Variants in HMCN1 observed in about 807,000 individuals in gnomAD.
The protein encoded by HMCN1 is hemicentin-1.
A neutral mutation model predicts 625.9 loss-of-function variants in HMCN1; 321 were observed. That is an observed-to-expected ratio of 0.51 (90% CI 0.47 to 0.56). The LOEUF is 0.56. Among genes scored for constraint, HMCN1 ranks in the 20% least tolerant of loss-of-function variants. The pLI is 0.00. For synonymous variants in HMCN1, 2,425 were observed against 2,417.6 expected, an observed-to-expected ratio of 1.00 and a Z score of -0.09; for missense variants, 6,588 against 6,887.3, an observed-to-expected ratio of 0.96 and a Z score of 1.54.
chr1:185,949,631 G>A (rs573050377), intron 11 of HMCN1, among the ~76,000 whole-genome samples: 1 of 152,022 alleles, frequency 6.6e-6, no homozygotes, highest in South Asian at 2.1e-4. Context: ...TCTCTTATCA[G>A]ACTGTATTGA....
intron 1 of HMCN1, among the ~76,000 whole-genome samples, chr1:185,757,724 A>G (rs1007202424): frequency 6.6e-6 from 1 of 152,172 alleles, no homozygotes; most frequent in Non-Finnish European, 1.5e-5. Context: ...AACTCTTTAA[A>G]TAGTATCTGA....
intron 102 of HMCN1, among the ~76,000 whole-genome samples, chr1:186,174,086 T>C (rs940069605): frequency 1.3e-5 from 2 of 152,090 alleles, no homozygotes; most frequent in African/African-American, 4.8e-5. Context: ...GTTAAGGCAT[T>C]GAGGGTGTGC....
At chr1:185,921,410 T>C (rs1359053887) in intron 6 of HMCN1, among the ~76,000 whole-genome samples, 1 of 152,218 alleles carries the variant, frequency 6.6e-6, no homozygotes, top group Non-Finnish European at 1.5e-5. Context: ...GAATATTGCG[T>C]AGTTTGCACA....
chr1:186,110,633 C>A (rs535376296), intron 71 of HMCN1, among the ~76,000 whole-genome samples: 1 of 152,192 alleles, frequency 6.6e-6, no homozygotes, highest in Non-Finnish European at 1.5e-5. Context: ...TTAAAGATTT[C>A]TGTATGTGTA....
intron 97 of HMCN1, among the ~76,000 whole-genome samples, chr1:186,162,752 C>T (rs1468703755): frequency 5.3e-5 from 8 of 152,322 alleles, no homozygotes; most frequent in South Asian, 2.1e-4. Context: ...ACGAATGCTG[C>T]TGTCTGATCG....
chr1:185,952,302 A>G (rs1385891409), intron 11 of HMCN1, among the ~76,000 whole-genome samples: 4 of 151,666 alleles, frequency 2.6e-5, no homozygotes, highest in African/African-American at 9.7e-5. Flanking sequence ...TATAGGGTGG[A>G]GGAGCAGAGG....
chr1:186,183,482 T>C (rs1306557465), intron 105 of HMCN1, among the ~76,000 whole-genome samples: 3 of 152,200 alleles, frequency 2.0e-5, no homozygotes, highest in African/African-American at 7.2e-5. Flanking sequence ...TCACCAAATA[T>C]TTCTTAAGAA....
intron 1 of HMCN1, among the ~76,000 whole-genome samples, chr1:185,753,440 T>C (rs1654942290): frequency 6.6e-6 from 1 of 152,104 alleles, no homozygotes; most frequent in Non-Finnish European, 1.5e-5. Context: ...TTTTTTGTTT[T>C]CTGTTTTATT....
intron 71 of HMCN1, among the ~76,000 whole-genome samples, chr1:186,112,190 T>C (rs1243197443): frequency 6.6e-6 from 1 of 152,032 alleles, no homozygotes; most frequent in Non-Finnish European, 1.5e-5. Context: ...TATTTGCTTA[T>C]TTTTTTTAAA....
At chr1:186,141,017 G>C (rs1649921345) in intron 89 of HMCN1, among the ~76,000 whole-genome samples, 1 of 152,096 alleles carries the variant, frequency 6.6e-6, no homozygotes, top group Non-Finnish European at 1.5e-5. Context: ...TGGAAGCCCT[G>C]AGCATGTTTT....
chr1:186,167,720 A>G (rs903235158), intron 100 of HMCN1, among the ~76,000 whole-genome samples: 2 of 152,184 alleles, frequency 1.3e-5, no homozygotes, highest in Non-Finnish European at 1.5e-5. Flanking sequence ...AGAATGTCAT[A>G]TAGTTGGAAT....
intron 74 of HMCN1, 35 bp from the exon 75 acceptor site, chr1:186,115,223 C>CTG (rs762554226): frequency 1.4e-5 from 22 of 1,612,102 alleles, no homozygotes; most frequent in Admixed American, 1.7e-5. Context: ...TATTTGCTGA[C>CTG]TGTGTTTCCT....
intron 54 of HMCN1, among the ~76,000 whole-genome samples, 160 bp downstream of exon 54, chr1:186,076,782 G>T (rs891780025): frequency 2.0e-5 from 3 of 152,154 alleles, no homozygotes; most frequent in African/African-American, 7.2e-5. Flanking sequence ...CAATCTAGAA[G>T]AGTCTTGCTT....
At position 186,144,612 on chromosome 1, in the gene HMCN1, G is replaced by A; in HGVS notation, c.14175G>A (p.Arg4725=). The A allele has an allele frequency of 6.2e-7, 1 of 1,614,112 alleles. No individual in the cohort carries two copies. The highest frequency in any genetic ancestry group is 8.5e-7 in the Non-Finnish European group (1 of 1,180,006). ...SCGGGARQRT[R]GCSDPVPQYG... is the part of the protein sequence containing the mutation. Reference sequence around the variant, plus strand: ...GAGGAGGTGCCAGACAGAGAACAAGGGGCTGCTCCGACCCTGTGCCCCAGT... The same window carrying A: ...GAGGAGGTGCCAGACAGAGAACAAGAGGCTGCTCCGACCCTGTGCCCCAGT... The change falls in exon 91 of 107, where the codon AGG becomes AGA. Residue 4725 remains arginine, a synonymous_variant. Coordinates refer to ENST00000271588, the MANE Select transcript of HMCN1 (RefSeq NM_031935.3).
rs770383703 is a variant in HMCN1 at position 185,922,407 on chromosome 1, G to A, written c.929G>A (p.Arg310His). 6.8e-6 allele frequency: 11 copies of A among 1,613,258 alleles called. No individual in the cohort carries two copies. The highest frequency in any genetic ancestry group is 9.3e-6 in the Non-Finnish European group (11 of 1,179,724). ...TCAAGCAGTGGAAGGCACTCTGTTC[G>A]CATTACTGGCCTCAGTACTATTGAT... ...KTSSSGRHSV[R>H]ITGLSTIDFR... Residue 310 changes from arginine (R) to histidine (H), a missense_variant, in exon 7 of 107, where the codon CGC becomes CAC. Transcript: ENST00000271588.
intron 52 of HMCN1, among the ~76,000 whole-genome samples, chr1:186,071,006 G>A (rs1658448329): frequency 6.6e-6 from 1 of 152,040 alleles, no homozygotes; most frequent in Admixed American, 6.6e-5. Flanking sequence ...TTGTATATTA[G>A]CAGTTAATTA....
chr1:185,777,474 A>C (rs1373896171), intron 1 of HMCN1, among the ~76,000 whole-genome samples: 1 of 150,716 alleles, frequency 6.6e-6, no homozygotes, highest in Non-Finnish European at 1.5e-5. Flanking sequence ...TTTTTCTGAG[A>C]TGGAGTCTCG....
At chr1:185,891,805 C>T (rs1016274666) in intron 4 of HMCN1, among the ~76,000 whole-genome samples, 5 of 147,760 alleles carry the variant, frequency 3.4e-5, no homozygotes, top group African/African-American at 8.1e-5. Context: ...TTGCTCTTCT[C>T]GAGGAGTATC....
At chr1:185,753,102 A>G (rs556619087) in intron 1 of HMCN1, among the ~76,000 whole-genome samples, 2 of 152,084 alleles carry the variant, frequency 1.3e-5, no homozygotes, top group Non-Finnish European at 2.9e-5. Context: ...CATAAATAGT[A>G]TTTGATATAA....
Sources: gnomAD v4.1 joint callset for allele counts (sites outside exome capture counted in the v4.1 genomes callset) on GRCh38, gnomAD v4.1.1 for gene constraint, MANE v1.5 for transcripts, NCBI Gene and HGNC (gene_info 2026-07-23, HGNC 2026-07-21) for gene names.